The following PHACTR3 variants were observed in gnomAD, a reference collection of about 807,000 sequenced individuals.
The protein encoded by PHACTR3 is protein phosphatase 1, regulatory subunit 123.
A neutral mutation model predicts 66.8 loss-of-function variants in PHACTR3; 16 were observed. The observed-to-expected ratio is 0.24, with a 90% CI of 0.16 to 0.36. The LOEUF (loss-of-function observed/expected upper bound fraction) is 0.36. PHACTR3 is among the 10% of genes least tolerant of loss of function. PHACTR3 has a pLI of 1.00. For missense variants in PHACTR3, 647 were observed against 719.9 expected, an observed-to-expected ratio of 0.90 and a Z score of 1.16; for synonymous variants, 323 against 292.1, an observed-to-expected ratio of 1.11 and a Z score of -1.08.
At chr20:59,728,486 T>A (rs1029865637) in intron 1 of PHACTR3, among the ~76,000 whole-genome samples, 12 of 152,152 alleles carry the variant, frequency 7.9e-5, no homozygotes, top group Non-Finnish European at 1.8e-4. Context: ...TTGTTCACAA[T>A]AGCCAGTATG....
At chr20:59,589,246 G>T (rs1374546659) in intron 1 of PHACTR3, among the ~76,000 whole-genome samples, 3 of 152,166 alleles carry the variant, frequency 2.0e-5, no homozygotes, top group Non-Finnish European at 4.4e-5. Context: ...AATATCTCAG[G>T]GCGAAGGCCG....
intron 8 of PHACTR3, among the ~76,000 whole-genome samples, chr20:59,821,722 C>G (rs1453012318): frequency 6.6e-6 from 1 of 152,138 alleles, no homozygotes; most frequent in Non-Finnish European, 1.5e-5. Flanking sequence ...AGCATTCTGT[C>G]TGTTAGGTAG....
intron 8 of PHACTR3, among the ~76,000 whole-genome samples, chr20:59,823,388 T>C (rs957624055): frequency 5.9e-5 from 9 of 152,180 alleles, no homozygotes; most frequent in African/African-American, 2.2e-4. Context: ...CATCAGTCTC[T>C]GGAGGGAGGT....
chr20:59,696,575 G>A (rs1383060293), intron 1 of PHACTR3, among the ~76,000 whole-genome samples: 1 of 152,198 alleles, frequency 6.6e-6, no homozygotes, highest in Non-Finnish European at 1.5e-5. Context: ...CACCTAAGCA[G>A]GGTTTGCACA....
At chr20:59,693,937 C>T (rs1262704573) in intron 1 of PHACTR3, among the ~76,000 whole-genome samples, 2 of 152,130 alleles carry the variant, frequency 1.3e-5, no homozygotes, top group Non-Finnish European at 2.9e-5. Flanking sequence ...CAACGTAAGC[C>T]CCAGTCCAGC....
At chr20:59,729,159 C>A (rs969532258) in intron 1 of PHACTR3, among the ~76,000 whole-genome samples, 3 of 152,062 alleles carry the variant, frequency 2.0e-5, no homozygotes, top group Admixed American at 6.5e-5. Flanking sequence ...CAGGGTAAGG[C>A]GGGGTCAGGG....
At chr20:59,704,611 T>C (rs762606448) in intron 1 of PHACTR3, among the ~76,000 whole-genome samples, 1 of 148,470 alleles carries the variant, frequency 6.7e-6, no homozygotes, top group African/African-American at 2.5e-5. Context: ...GCACGTCTTA[T>C]AGTATTCCCA....
At chr20:59,755,514 C>A in intron 4 of PHACTR3, 150 bp downstream of exon 4, 2 of 913,788 alleles carry the variant, frequency 2.2e-6, no homozygotes, top group Non-Finnish European at 3.2e-6. Flanking sequence ...CCATGCTGTG[C>A]TGCCTGGCTG....
upstream of PHACTR3, among the ~76,000 whole-genome samples, chr20:59,600,783 A>G (rs2033455111): frequency 6.6e-6 from 1 of 152,060 alleles, no homozygotes; most frequent in Non-Finnish European, 1.5e-5. Flanking sequence ...GGGTTTTCGG[A>G]TCAAGGAGAT....
rs535943234 is a variant in PHACTR3 at position 59,689,377 on chromosome 20, A to G, written c.119-53730A>G. On this transcript the variant is annotated intron_variant, in intron 1 of 12. Transcript: ENST00000371015. ...CCCAGAAGCAGGAAGATGGTGTGTC[A>G]AATGTAGAGTGAGACAGAAATGGCA... Among the ~76,000 whole-genome samples, 12 of 152,360 alleles carry G rather than the reference A, an allele frequency of 7.9e-5. No individual in the cohort carries two copies. The East Asian group carries it at 2.3e-3, about 29-fold the overall frequency.
chr20:59,603,665 G>A (rs72629004), upstream of PHACTR3: 8,921 of 152,126 alleles, frequency 0.059, 557 homozygotes, highest in East Asian at 0.32. Context: ...GGGGCTTAGA[G>A]CGGGGCTGCC....
intron 1 of PHACTR3, among the ~76,000 whole-genome samples, chr20:59,719,423 A>C (rs987534139): frequency 6.6e-6 from 1 of 152,150 alleles, no homozygotes; most frequent in African/African-American, 2.4e-5. Flanking sequence ...TCGGCCTCCC[A>C]AAGTGTTGGG....
chr20:59,662,765 A>C (rs1157522350), intron 1 of PHACTR3, among the ~76,000 whole-genome samples: 1 of 152,126 alleles, frequency 6.6e-6, no homozygotes, highest in African/African-American at 2.4e-5. Context: ...GCTGGGGGCC[A>C]GTCCTGGGCT....
chr20:59,708,496 A>G (rs1451335287), intron 1 of PHACTR3, among the ~76,000 whole-genome samples: 1 of 152,180 alleles, frequency 6.6e-6, no homozygotes, highest in Non-Finnish European at 1.5e-5. Context: ...TGGCCAGAAT[A>G]AGTCCCATGT....
intron 1 of PHACTR3, among the ~76,000 whole-genome samples, chr20:59,682,828 T>C (rs1464904290): frequency 6.6e-6 from 1 of 151,820 alleles, no homozygotes; most frequent in East Asian, 1.9e-4. Flanking sequence ...TGGAGTCACA[T>C]GAGATTGCTG....
intron 1 of PHACTR3, among the ~76,000 whole-genome samples, chr20:59,721,973 G>A (rs1258059123): frequency 2.0e-5 from 3 of 152,124 alleles, no homozygotes; most frequent in Non-Finnish European, 4.4e-5. Context: ...ACTCACGCCT[G>A]TAATCCCAGC....
chr20:59,767,273 G>A lies in PHACTR3; in HGVS notation c.629G>A (p.Gly210Glu). 1 of 1,614,222 alleles carries A rather than the reference G, an allele frequency of 6.2e-7. No individual in the cohort carries two copies. Among genetic ancestry groups the A allele is most frequent in the Non-Finnish European group, 8.5e-7 (1 of 1,180,032 alleles). The change falls in exon 5 of 13, where the codon GGG becomes GAG. Residue 210 changes from glycine (G) to glutamate (E), a missense_variant. This residue lies in a region of PHACTR3 where 577 missense variants were observed against 571.1 expected (regional missense o/e 1.01). Transcript: ENST00000371015. ...TTNELSQALA[G>E]ADSLDSPPRP... Reference sequence around the variant, plus strand: ...AATGAGCTCTCCCAAGCCTTAGCTGGGGCTGACTCCCTGGACAGTCCTCCC... The same window carrying A: ...AATGAGCTCTCCCAAGCCTTAGCTGAGGCTGACTCCCTGGACAGTCCTCCC...
At chr20:59,774,206 G>A in intron 6 of PHACTR3, 37 bp from the exon 7 acceptor site, 1 of 1,531,112 alleles carries the variant, frequency 6.5e-7, no homozygotes, top group Non-Finnish European at 8.8e-7. Context: ...CTGGGTGAAG[G>A]GGGTGACCTA....
chr20:59,664,854 C>T (rs888980106), intron 1 of PHACTR3, among the ~76,000 whole-genome samples: 1 of 152,168 alleles, frequency 6.6e-6, no homozygotes, highest in Non-Finnish European at 1.5e-5. Context: ...GTCTGTGAAG[C>T]CTTCTGTCTG....
Sources: gnomAD v4.1 joint callset for allele counts (sites outside exome capture counted in the v4.1 genomes callset) on GRCh38, gnomAD v4.1.1 for gene constraint, gnomAD v4.1.1 regional missense constraint, MANE v1.5 for transcripts, NCBI Gene and HGNC (gene_info 2026-07-23, HGNC 2026-07-21) for gene names.